The following DGKI variants were observed in gnomAD, a reference collection of about 807,000 sequenced individuals.
DGKI encodes the protein diacylglycerol kinase iota, also known as DAG kinase iota.
In DGKI, 55 loss-of-function variants were observed where a neutral mutation model predicts 147.5. That is an observed-to-expected ratio of 0.37 (90% CI 0.30 to 0.47). The LOEUF is 0.47. Ranked by LOEUF, DGKI falls within the 20% of genes least tolerant of loss-of-function variation. DGKI has a pLI of 1.00. For missense variants in DGKI, 1,007 were observed against 1,323.8 expected (o/e 0.76, Z 3.71); for synonymous variants, 469 against 477.1 (o/e 0.98, Z 0.22).
At chr7:137,407,376 G>C (rs1205975112) in intron 30 of DGKI, among the ~76,000 whole-genome samples, 1 of 152,024 alleles carries the variant, frequency 6.6e-6, no homozygotes, top group Non-Finnish European at 1.5e-5. Context: ...AATAGTACCA[G>C]ACATTTTCAA....
intron 1 of DGKI, among the ~76,000 whole-genome samples, chr7:137,765,415 G>A (rs1039191710): frequency 3.9e-5 from 6 of 151,940 alleles, no homozygotes; most frequent in African/African-American, 1.5e-4. Flanking sequence ...TTTTGTCATC[G>A]ATTACATTGG....
At chr7:137,783,000 T>C (rs545216326) in intron 1 of DGKI, among the ~76,000 whole-genome samples, 1 of 152,348 alleles carries the variant, frequency 6.6e-6, no homozygotes, top group African/African-American at 2.4e-5. Flanking sequence ...AGCCCAGATC[T>C]TTCCTCTGAC....
chr7:137,486,612 T>C (rs1815569760), intron 22 of DGKI, among the ~76,000 whole-genome samples: 1 of 152,112 alleles, frequency 6.6e-6, no homozygotes, highest in Non-Finnish European at 1.5e-5. Context: ...CTCATCCACA[T>C]CAGTATTCAA....
chr7:137,710,325 T>G (rs1794174610), intron 1 of DGKI, among the ~76,000 whole-genome samples: 1 of 152,028 alleles, frequency 6.6e-6, no homozygotes, highest in Non-Finnish European at 1.5e-5. Flanking sequence ...GAGTTAAGAC[T>G]CCCTAGGAAA....
At chr7:137,692,162 C>T (rs1823637383) in intron 1 of DGKI, among the ~76,000 whole-genome samples, 2 of 152,094 alleles carry the variant, frequency 1.3e-5, no homozygotes, top group African/African-American at 4.8e-5. Context: ...AGTTTTCCTC[C>T]ACCTATGTTG....
intron 21 of DGKI, among the ~76,000 whole-genome samples, chr7:137,506,612 C>T (rs1222002545): frequency 6.6e-6 from 1 of 152,024 alleles, no homozygotes; most frequent in Admixed American, 6.6e-5. Flanking sequence ...GCAATAATAA[C>T]GTATCAGTAT....
chr7:137,662,773 T>TG (rs1405536465), intron 3 of DGKI, among the ~76,000 whole-genome samples: 3 of 152,142 alleles, frequency 2.0e-5, no homozygotes, highest in African/African-American at 7.2e-5. Context: ...CAGGCCTTCA[T>TG]TTGTAAAGAC....
chr7:137,407,397 G>A (rs1476285696), intron 30 of DGKI, among the ~76,000 whole-genome samples: 8 of 152,152 alleles, frequency 5.3e-5, no homozygotes. Flanking sequence ...AGAGAATAAA[G>A]CGTAACTTGG....
At chr7:137,555,165 C>T (rs894077975) in intron 19 of DGKI, among the ~76,000 whole-genome samples, 3 of 151,662 alleles carry the variant, frequency 2.0e-5, no homozygotes, top group Admixed American at 6.5e-5. Flanking sequence ...CCTCCCGCCT[C>T]GGCCTCCCAA....
intron 19 of DGKI, among the ~76,000 whole-genome samples, chr7:137,555,321 T>C (rs935307579): frequency 5.9e-5 from 9 of 151,730 alleles, no homozygotes; most frequent in African/African-American, 1.9e-4. Flanking sequence ...AGGTCAGAAG[T>C]TCAAGACCAG....
At chr7:137,438,833 TAAC>T (rs147805231) in intron 28 of DGKI, among the ~76,000 whole-genome samples, 5,254 of 152,100 alleles carry the variant, frequency 0.035, 299 homozygotes, top group African/African-American at 0.12. Context: ...AAGAAACAAA[TAAC>T]AACATGATTC....
chr7:137,681,035 G>A (rs1563147680), intron 2 of DGKI, among the ~76,000 whole-genome samples: 1 of 152,108 alleles, frequency 6.6e-6, no homozygotes, highest in African/African-American at 2.4e-5. Flanking sequence ...AGGCAGGAAG[G>A]GACAAGAGAA....
chr7:137,581,706 C>T (rs1819199362), intron 15 of DGKI, 144 bp downstream of exon 15: 2 of 660,512 alleles, frequency 3.0e-6, no homozygotes, highest in Non-Finnish European at 5.1e-6. Flanking sequence ...TCCTGTCTAG[C>T]TCCCAGAGTC....
rs1214502427 is a variant in DGKI at position 137,383,366 on chromosome 7, T to G, written c.*7854A>C. Reference sequence around the variant, plus strand: ...TAAGCAAGGCAACTTTTTAGGGTCATGAAATCCCCGCTGCTAAGTGATTTG... The same window carrying G: ...TAAGCAAGGCAACTTTTTAGGGTCAGGAAATCCCCGCTGCTAAGTGATTTG... On this transcript the variant is annotated 3_prime_UTR_variant, in exon 33 of 33. Coordinates refer to ENST00000614521, the MANE Select transcript of DGKI (RefSeq NM_001321708.2). The G allele has an allele frequency of 6.6e-6, 1 of 151,748 alleles. No individual in the cohort carries two copies. The highest frequency in any genetic ancestry group is 2.4e-5 in the African/African-American group (1 of 41,362). The allele number at this position is 151,748 out of a possible 1,614,324, so 9.4% of individuals were successfully genotyped here. A position where few individuals can be genotyped will look rare whatever the true frequency, so the allele number is the denominator to read the frequency against.
intron 2 of DGKI, among the ~76,000 whole-genome samples, chr7:137,681,978 C>G (rs1202038658): frequency 2.0e-5 from 3 of 152,346 alleles, no homozygotes; most frequent in African/African-American, 7.2e-5. Context: ...AATGAGCTTC[C>G]CTGCTTGGCT....
At chr7:137,694,299 G>A (rs1194654192) in intron 1 of DGKI, among the ~76,000 whole-genome samples, 9 of 150,712 alleles carry the variant, frequency 6.0e-5, no homozygotes, top group Non-Finnish European at 1.2e-4. Flanking sequence ...TCCAGCCTGG[G>A]CGACAGCGAG....
At chr7:137,393,258 C>A (rs1356888463) in intron 32 of DGKI, among the ~76,000 whole-genome samples, 5 of 151,876 alleles carry the variant, frequency 3.3e-5, no homozygotes, top group African/African-American at 1.2e-4. Context: ...ACATACACAA[C>A]ACAAAACAGA....
At chr7:137,464,571 A>C (rs1814581003) in intron 26 of DGKI, among the ~76,000 whole-genome samples, 1 of 152,164 alleles carries the variant, frequency 6.6e-6, no homozygotes, top group East Asian at 1.9e-4. Flanking sequence ...CCATGCTCTG[A>C]CATCGCAGCT....
chr7:137,410,347 G>A (rs1240835221), intron 29 of DGKI, among the ~76,000 whole-genome samples: 3 of 152,342 alleles, frequency 2.0e-5, no homozygotes, highest in East Asian at 1.9e-4. Flanking sequence ...GGAGCTTGCA[G>A]TGAGCCGAGA....
Sources: gnomAD v4.1 joint callset for allele counts (sites outside exome capture counted in the v4.1 genomes callset) on GRCh38, gnomAD v4.1.1 for gene constraint, MANE v1.5 for transcripts, NCBI Gene and HGNC (gene_info 2026-07-23, HGNC 2026-07-21) for gene names.